The following ZZEF1 variants were observed in gnomAD, a reference collection of about 807,000 sequenced individuals.
The protein encoded by ZZEF1 is zinc finger ZZ-type and EF-hand domain-containing protein 1.
In ZZEF1, 157 loss-of-function variants were observed where a neutral mutation model predicts 342.8. The ratio of observed to expected loss-of-function variants is 0.46; its 90% CI spans 0.40 to 0.52. The LOEUF is 0.52. ZZEF1 is among the 20% of genes least tolerant of loss of function. The pLI is 0.00. For synonymous variants in ZZEF1, 1,505 were observed against 1,429.1 expected, an observed-to-expected ratio of 1.05 and a Z score of -1.20; for missense variants, 3,480 against 3,725.6, an observed-to-expected ratio of 0.93 and a Z score of 1.72.
intron 39 of ZZEF1, 131 bp from the exon 40 acceptor site, chr17:4,034,423 A>T: frequency 1.2e-6 from 1 of 847,242 alleles, no homozygotes; most frequent in Non-Finnish European, 1.8e-6. Flanking sequence ...AGCTTTCATA[A>T]ATGCCATATG....
chr17:4,016,216 G>T lies in ZZEF1; in HGVS notation c.8145+107C>A. 2.9e-6 allele frequency: 4 copies of T among 1,367,158 alleles called. No homozygotes were observed. The highest frequency in any genetic ancestry group is 2.3e-5 in the Admixed American group (1 of 44,034). The allele number at this position is 1,367,158 out of a possible 1,614,324, so 84.7% of individuals were successfully genotyped here. ...CCTGGACAGGTCTCTGCTGTCCAGC[G>T]GGAGAGAGCCACAGAGGGGCTGAGC... is the stretch of plus-strand genomic sequence containing the variant. On this transcript the variant is annotated intron_variant, in intron 49 of 54. Transcript: ENST00000381638. The surrounding 1 kb of genome is among the most constrained non-coding windows in gnomAD (Gnocchi z 4.4).
chr17:4,109,795 C>G lies in ZZEF1; in HGVS notation c.1135G>C (p.Val379Leu). The G allele has an allele frequency of 6.2e-7, 1 of 1,614,224 alleles. No homozygotes were observed. Among genetic ancestry groups the G allele is most frequent in the South Asian group, 1.1e-5 (1 of 91,086 alleles). The change falls in exon 6 of 55, where the codon GTT becomes CTT. Residue 379 changes from valine to leucine, a missense_variant. Val to Leu is a conservative substitution (Grantham distance 32). Coordinates refer to ENST00000381638, the MANE Select transcript of ZZEF1 (RefSeq NM_015113.4). ...GACTTCTTAACTCTCTGAAAGCCAA[C>G]AGCCCTGAGACCATGAATTCTAGTG... ...CDTRIHGLRA[V>L]GFQRVKKSGV...
At position 4,076,699 on chromosome 17, in the gene ZZEF1, A is replaced by C. The variant is rs903484236; in HGVS notation, c.3172T>G (p.Phe1058Val). 1.9e-6 allele frequency: 3 copies of C among 1,613,166 alleles called. No individual in the cohort carries two copies. Among genetic ancestry groups the C allele is most frequent in the Non-Finnish European group, 2.5e-6 (3 of 1,179,314 alleles). Residue 1058 changes from phenylalanine to valine, a missense_variant, in exon 21 of 55, where the codon TTC becomes GTC. Around this residue, in one of 5 missense-constraint regions of ZZEF1, gnomAD observed 1,528 missense variants for 1,624.1 expected, o/e 0.94. Coordinates refer to ENST00000381638, the MANE Select transcript of ZZEF1 (RefSeq NM_015113.4). ...TTCAGGAGTTCTGTGAGGACGCTGA[A>C]CTCTCTCAAGAGCACGCAGTGTGGG... ...DIPHCVLLREFSVLTELLKKL... is the reference protein window; with the variant it reads ...DIPHCVLLREVSVLTELLKKL...
chr17:4,071,070 A>G, intron 25 of ZZEF1, 146 bp from the exon 26 acceptor site: 1 of 914,050 alleles, frequency 1.1e-6, no homozygotes, highest in Non-Finnish European at 1.6e-6. Context: ...GACCAGACAG[A>G]GATATGAGTT....
chr17:4,026,953 G>A (rs1013328816), intron 42 of ZZEF1, among the ~76,000 whole-genome samples: 33 of 152,196 alleles, frequency 2.2e-4, no homozygotes, highest in Admixed American at 3.3e-4. Flanking sequence ...ATTATGTCAC[G>A]GCAGACCTGC....
chr17:4,076,854 C>T lies in ZZEF1; in HGVS notation c.3111+14G>A, dbSNP rs778345947. 22 of 1,613,770 alleles carry T rather than the reference C, an allele frequency of 1.4e-5. No individual in the cohort carries two copies. Among genetic ancestry groups the T allele is most frequent in the South Asian group, 1.2e-4 (11 of 91,040 alleles). ...CCTTCCGGTTCTTTACAAATAGCTG[C>T]TAGTTTTTCTTACCAGTTGACGAGC... On this transcript the variant is annotated intron_variant, in intron 20 of 54. Coordinates refer to ENST00000381638, the MANE Select transcript of ZZEF1 (RefSeq NM_015113.4).
At chr17:4,050,680 T>C in intron 36 of ZZEF1, 101 bp downstream of exon 36, 1 of 1,543,680 alleles carries the variant, frequency 6.5e-7, no homozygotes, top group Non-Finnish European at 8.7e-7. Flanking sequence ...GAAAAGTGGA[T>C]GTTGCCACCT....
chr17:4,088,209 T>C (rs2057876183), intron 13 of ZZEF1, among the ~76,000 whole-genome samples: 1 of 152,226 alleles, frequency 6.6e-6, no homozygotes, highest in African/African-American at 2.4e-5. Flanking sequence ...CACTGTGTTA[T>C]ATTACTGACT....
In ZZEF1 at chr17:4,009,428, G is replaced by T. The variant is rs185082918; in HGVS notation, c.8733+176C>A. ...AAGCAATCTCAGAGCTGACCTGAGG[G>T]TTTCCCAGGCCTGGGAGAGGCGAGA... On this transcript the variant is annotated intron_variant, in intron 53 of 54. Coordinates refer to ENST00000381638, the MANE Select transcript of ZZEF1 (RefSeq NM_015113.4). 1.2e-4 allele frequency: 103 copies of T among 847,038 alleles called. 1 individual carries two copies. The East Asian group carries it at 1.5e-3, about 13-fold the overall frequency. 52.5% of individuals were successfully genotyped at this position (847,038 alleles called of 1,614,324 possible).
chr17:4,063,128 A>T (rs774370776), intron 29 of ZZEF1, among the ~76,000 whole-genome samples: 2 of 152,244 alleles, frequency 1.3e-5, no homozygotes, highest in Non-Finnish European at 1.5e-5. Context: ...CCAACTGTCC[A>T]GAAGTCCGAC....
intron 38 of ZZEF1, among the ~76,000 whole-genome samples, chr17:4,043,226 G>GT (rs913233058): frequency 2.0e-5 from 3 of 152,098 alleles, no homozygotes; most frequent in Admixed American, 1.3e-4. Context: ...GTTTCTTTCA[G>GT]TGATGTATCT....
chr17:4,081,427 G>C lies in ZZEF1; in HGVS notation c.2778C>G (p.Ile926Met), dbSNP rs2057722073. The C allele has an allele frequency of 1.2e-6, 2 of 1,613,946 alleles. No individual in the cohort carries two copies. The highest frequency in any genetic ancestry group is 1.3e-5 in the African/African-American group (1 of 74,924). The change falls in exon 18 of 55, where the codon ATC becomes ATG. Residue 926 changes from isoleucine to methionine, a missense_variant. By Grantham distance (10) the Ile-to-Met change is conservative. Around this residue, in one of 5 missense-constraint regions of ZZEF1, gnomAD observed 1,528 missense variants for 1,624.1 expected, o/e 0.94. Transcript: ENST00000381638. ...PEKNDLAKMN[I>M]SEVLAVMDTL... ...TGTCCATGACCGCCAGGACTTCACT[G>C]ATGTTCATCTTGGCCAGGTCGTTCT...
intron 5 of ZZEF1, among the ~76,000 whole-genome samples, chr17:4,111,791 G>A (rs1192055204): frequency 1.4e-5 from 2 of 141,624 alleles, no homozygotes; most frequent in African/African-American, 2.6e-5. Flanking sequence ...TAATCCCAAC[G>A]TTTTGGGAGG....
intron 1 of ZZEF1, among the ~76,000 whole-genome samples, chr17:4,125,114 G>A (rs1371656563): frequency 6.6e-6 from 1 of 152,002 alleles, no homozygotes; most frequent in African/African-American, 2.4e-5. Flanking sequence ...TCACCCTCTG[G>A]TGTCCCTGAC....
intron 9 of ZZEF1, 39 bp downstream of exon 9, chr17:4,102,278 C>T: frequency 6.4e-7 from 1 of 1,571,286 alleles, no homozygotes; most frequent in East Asian, 2.2e-5. Flanking sequence ...TGACTCCTGT[C>T]TACCGAGCAC....
At chr17:4,131,502 G>A (rs909105103) in intron 1 of ZZEF1, among the ~76,000 whole-genome samples, 19 of 151,184 alleles carry the variant, frequency 1.3e-4, no homozygotes, top group African/African-American at 4.4e-4. Flanking sequence ...AAAAAGGCCA[G>A]ACGCAGTGGC....
Position 4,013,547 on chromosome 17 carries a change from A to C in ZZEF1, c.8481T>G (p.Ile2827Met). Reference sequence around the variant, plus strand: ...AGGCCACGCCCACCAGCCATTCCCAAATTTTTGCCAATGGGAGATGAGGCA... The same window carrying C: ...AGGCCACGCCCACCAGCCATTCCCACATTTTTGCCAATGGGAGATGAGGCA... ...RVVPHLPLAK[I>M]WEWLVGVACR... The change falls in exon 52 of 55, where the codon ATT (isoleucine) becomes ATG (methionine). Residue 2827 changes from isoleucine (I) to methionine (M), a missense_variant. Physicochemically the swap from Ile to Met is conservative, Grantham distance 10. Transcript: ENST00000381638. 1 of 1,614,138 alleles carries C rather than the reference A, an allele frequency of 6.2e-7. No homozygotes were observed. The highest frequency in any genetic ancestry group is 8.5e-7 in the Non-Finnish European group (1 of 1,179,978).
intron 15 of ZZEF1, 63 bp from the exon 16 acceptor site, chr17:4,085,866 A>G (rs760443639): frequency 1.9e-6 from 3 of 1,586,444 alleles, no homozygotes; most frequent in Non-Finnish European, 1.7e-6. Flanking sequence ...TACATCTGCT[A>G]TAACTAGCCT....
At chr17:4,091,704 G>C (rs1362473174) in intron 11 of ZZEF1, among the ~76,000 whole-genome samples, 1 of 151,926 alleles carries the variant, frequency 6.6e-6, no homozygotes, top group Non-Finnish European at 1.5e-5. Context: ...TTGAACCCAA[G>C]AGGTGGAGGT....
Sources: allele counts gnomAD v4.1 joint callset (sites outside exome capture counted in the v4.1 genomes callset), GRCh38; gene constraint gnomAD v4.1.1; regional missense constraint gnomAD v4.1.1; non-coding constraint Gnocchi (gnomAD v3.1); transcripts MANE v1.5; gene names NCBI Gene and HGNC (gene_info 2026-07-23, HGNC 2026-07-21).